Variants in NUP210 observed in about 807,000 individuals in gnomAD.
NUP210 encodes the protein nucleoporin 210.
In NUP210, 151 loss-of-function variants were observed where a neutral mutation model predicts 196.0. That is an observed-to-expected ratio of 0.77 (90% confidence interval 0.67 to 0.88). The LOEUF (loss-of-function observed/expected upper bound fraction) is 0.88, where lower values mean the gene tolerates loss of function less well. NUP210 is among the 40% of genes least tolerant of loss of function. The pLI is 0.00. For synonymous variants in NUP210, 1,070 were observed against 1,052.7 expected (o/e 1.02, Z -0.32); for missense variants, 2,314 against 2,493.7 (o/e 0.93, Z 1.53).
chr3:13,354,350 T>A (rs984259365), intron 16 of NUP210: 2 of 535,358 alleles, frequency 3.7e-6, no homozygotes, highest in Non-Finnish European at 6.7e-6. Context: ...CTAGGGGGCC[T>A]TCAGCAACAC....
chr3:13,390,134 G>A (rs1699439098), intron 4 of NUP210, among the ~76,000 whole-genome samples: 1 of 152,164 alleles, frequency 6.6e-6, no homozygotes, highest in African/African-American at 2.4e-5. Context: ...CGGCAACAGT[G>A]TTCGTTTCCT....
chr3:13,379,581 G>C lies in NUP210; in HGVS notation c.958C>G (p.Leu320Val), dbSNP rs751582552. The change falls in exon 7 of 40, where the codon CTC becomes GTC. Residue 320 changes from leucine (L) to valine (V), a missense_variant. Leu to Val is a conservative substitution (Grantham distance 32). Transcript: ENST00000254508. This position sits in a 1 kb window ranked among gnomAD's most constrained non-coding sequence, Gnocchi z 4.2. ...AGGATATTCCTGTGGCCAAGGACGAGGCTGCTCTGTCCCAGCTGCAGTGCA... is the reference window on the plus strand; with the variant it reads ...AGGATATTCCTGTGGCCAAGGACGACGCTGCTCTGTCCCAGCTGCAGTGCA... ...VTALQLGQSS[L>V]VLGHRSIRMQ... The C allele has an allele frequency of 6.2e-7, 1 of 1,614,140 alleles. No homozygotes were observed. Among genetic ancestry groups the C allele is most frequent in the South Asian group, 1.1e-5 (1 of 91,076 alleles).
chr3:13,359,051 A>G lies in NUP210; in HGVS notation c.2155-656T>C, dbSNP rs1325052352. On this transcript the variant is annotated intron_variant, in intron 15 of 39. Transcript: ENST00000254508. ...CATGGCTCAGGGCCCATCTTGAGGT[A>G]GCACCCTCAGCCTCCTCAGATAACA... 2.0e-5 allele frequency among the ~76,000 whole-genome samples: 3 copies of G among 152,208 alleles called. No individual in the cohort carries two copies. The East Asian group carries it at 5.8e-4, about 29-fold the overall frequency.
intron 14 of NUP210, among the ~76,000 whole-genome samples, chr3:13,363,961 G>A (rs780611176): frequency 1.3e-5 from 2 of 152,150 alleles, no homozygotes; most frequent in Admixed American, 6.5e-5. Context: ...CCCAGAAGGT[G>A]CGCAGGGCAA....
intron 36 of NUP210, 49 bp from the exon 37 acceptor site, chr3:13,320,028 A>G (rs1696455535): frequency 1.9e-6 from 3 of 1,553,446 alleles, no homozygotes; most frequent in East Asian, 4.5e-5. Flanking sequence ...GAGTGGGGGG[A>G]CCACTGAGCG....
At position 13,365,828 on chromosome 3, in the gene NUP210, G is replaced by A; in HGVS notation, c.1932+118C>T. 3 of 1,144,092 alleles carry A rather than the reference G, an allele frequency of 2.6e-6. No individual in the cohort carries two copies. The East Asian group carries it at 7.1e-5, about 27-fold the overall frequency. 70.9% of individuals were successfully genotyped at this position (1,144,092 alleles called of 1,614,324 possible). A position where few individuals can be genotyped will look rare whatever the true frequency, so the allele number is the denominator to read the frequency against. The stretch of plus-strand genomic sequence containing the variant: ...CAGAAATCATGGGAGAGGAAGCTGT[G>A]CCAAAAGCTATTTTGAAGGAATCGG... On this transcript the variant is annotated intron_variant, in intron 14 of 39. Transcript: ENST00000254508.
intron 28 of NUP210, 73 bp downstream of exon 28, chr3:13,335,381 T>G: frequency 4.6e-6 from 7 of 1,535,640 alleles, no homozygotes; most frequent in Non-Finnish European, 6.2e-6. Flanking sequence ...ATGCAACATG[T>G]GGCCCCGAAG....
chr3:13,379,553 A>C lies in NUP210; in HGVS notation c.976+10T>G, dbSNP rs776708712. On this transcript the variant is annotated intron_variant, in intron 7 of 39. Transcript: ENST00000254508. This position sits in a 1 kb window ranked among gnomAD's most constrained non-coding sequence, Gnocchi z 4.2. The stretch of plus-strand genomic sequence containing the variant: ...ATGCCTAAGAACACACAAGCCCAAG[A>C]AAAGGATATTCCTGTGGCCAAGGAC... The C allele has an allele frequency of 3.7e-6, 6 of 1,614,018 alleles. No homozygotes were observed. The highest frequency in any genetic ancestry group is 1.7e-5 in the Admixed American group (1 of 60,000).
At chr3:13,398,121 G>A (rs1328499406) in intron 2 of NUP210, among the ~76,000 whole-genome samples, 4 of 152,144 alleles carry the variant, frequency 2.6e-5, no homozygotes, top group African/African-American at 9.7e-5. Flanking sequence ...CAGCAATACG[G>A]TCCCATGTAT....
In NUP210 at chr3:13,343,214, C is replaced by A; in HGVS notation, c.2925G>T (p.Val975=). ...GGATGTACAGCTCCTGAATGTCCGA[C>A]ACGTAAACGACAGCCTTGGCTGGGG... is the stretch of plus-strand genomic sequence containing the variant. ...FPAPAKAVVY[V]SDIQELYIRV... is the part of the protein sequence containing the mutation. The change falls in exon 21 of 40, where the codon GTG becomes GTT. Residue 975 remains valine, a synonymous_variant. Transcript: ENST00000254508. 1.2e-6 allele frequency: 2 copies of A among 1,614,144 alleles called. No individual in the cohort carries two copies. The highest frequency in any genetic ancestry group is 1.7e-6 in the Non-Finnish European group (2 of 1,180,020).
At position 13,319,041 on chromosome 3, in the gene NUP210, G is replaced by A. The variant is rs747880118; in HGVS notation, c.5563+31C>T. On this transcript the variant is annotated intron_variant, in intron 39 of 39. Transcript: ENST00000254508. ...GGCTCTTCTCTTTCTCAGCAGCTCT[G>A]CCTGGTTGTGCCTGCAGGGGGGCTA... The A allele has an allele frequency of 4.4e-6, 7 of 1,573,284 alleles. No homozygotes were observed. The East Asian group carries it at 1.6e-4, about 36-fold the overall frequency.
At chr3:13,382,736 A>C (rs1401435653) in intron 6 of NUP210, among the ~76,000 whole-genome samples, 1 of 152,244 alleles carries the variant, frequency 6.6e-6, no homozygotes, top group South Asian at 2.1e-4. Flanking sequence ...GATGCCGGGC[A>C]AGACAGGGAT....
At position 13,360,304 on chromosome 3, in the gene NUP210, C is replaced by T. The variant is rs1698326410; in HGVS notation, c.2120G>A (p.Trp707Ter). The T allele has an allele frequency of 6.2e-7, 1 of 1,614,100 alleles. No homozygotes were observed. ...CAAGGCCTGACAGGTCACAAGGATC[C>T]AGTGTTGCTGATAATTCCGGGAGGA... is the stretch of plus-strand genomic sequence containing the variant. ...PHSSRNYQQH[W>*]ILVTCQALGE... Residue 707 changes from tryptophan to a stop codon, truncating the protein, a stop_gained, in exon 15 of 40, where the codon TGG becomes TAG. Coordinates refer to ENST00000254508, the MANE Select transcript of NUP210 (RefSeq NM_024923.4). LOFTEE classifies it high-confidence loss of function.
intron 14 of NUP210, among the ~76,000 whole-genome samples, chr3:13,365,399 T>C (rs1327306624): frequency 6.6e-6 from 1 of 152,118 alleles, no homozygotes; most frequent in African/African-American, 2.4e-5. Context: ...GAGGGTGGTA[T>C]GGACACTGAG....
chr3:13,322,016 C>A (rs1483769923), intron 35 of NUP210, among the ~76,000 whole-genome samples, 177 bp downstream of exon 35: 1 of 152,196 alleles, frequency 6.6e-6, no homozygotes, highest in Non-Finnish European at 1.5e-5. Context: ...GCTAGGATAC[C>A]CTCTGTGACC....
chr3:13,318,341 C>T (rs999726463), intron 39 of NUP210, among the ~76,000 whole-genome samples: 1 of 152,180 alleles, frequency 6.6e-6, no homozygotes, highest in Non-Finnish European at 1.5e-5. Flanking sequence ...GAGAAGTCGT[C>T]AGGCAGAAGA....
At chr3:13,335,662 T>C (rs1352546619) in intron 27 of NUP210, 50 bp from the exon 28 acceptor site, 1 of 1,595,902 alleles carries the variant, frequency 6.3e-7, no homozygotes, top group Non-Finnish European at 8.6e-7. Context: ...GGCCCCTGTG[T>C]CCTCAAAAAG....
At position 13,351,958 on chromosome 3, in the gene NUP210, C is replaced by G; in HGVS notation, c.2756G>C (p.Gly919Ala). 6.2e-7 allele frequency: 1 copy of G among 1,611,932 alleles called. No homozygotes were observed. Among genetic ancestry groups the G allele is most frequent in the South Asian group, 1.1e-5 (1 of 90,878 alleles). The change falls in exon 20 of 40, where the codon GGC (glycine) becomes GCC (alanine). Residue 919 changes from glycine (G) to alanine (A), a missense_variant. By Grantham distance (60) the Gly-to-Ala change is moderately conservative. Coordinates refer to ENST00000254508, the MANE Select transcript of NUP210 (RefSeq NM_024923.4). ...GGTGTTGAGGAAGAAGTAACCTGAG[C>G]CTTCCCTGATGCGGAGCTCTGCCTG... ...GIQAELRIRE[G>A]SGYFFLNTST... is the part of the protein sequence containing the mutation.
chr3:13,341,586 G>A (rs142287978), intron 23 of NUP210, among the ~76,000 whole-genome samples, 162 bp downstream of exon 23: 1 of 152,338 alleles, frequency 6.6e-6, no homozygotes, highest in East Asian at 1.9e-4. Flanking sequence ...CTGCCTCCCA[G>A]ATCCCTAGAG....
Sources: gnomAD v4.1 joint callset for allele counts (sites outside exome capture counted in the v4.1 genomes callset) on GRCh38, gnomAD v4.1.1 for gene constraint, Gnocchi (gnomAD v3.1) non-coding constraint, MANE v1.5 for transcripts, NCBI Gene and HGNC (gene_info 2026-07-23, HGNC 2026-07-21) for gene names.